Variants in GRB14 observed in about 807,000 individuals in gnomAD.
The protein encoded by GRB14 is growth factor receptor-bound protein 14.
In GRB14, 38 loss-of-function variants were observed where a neutral mutation model predicts 69.1. The ratio of observed to expected loss-of-function variants is 0.55; its 90% CI spans 0.42 to 0.72. GRB14 has a LOEUF of 0.72. GRB14 is among the 30% of genes least tolerant of loss of function. The probability of loss-of-function intolerance (pLI) is 0.00; values close to 1 mark genes in which losing one functional copy is unlikely to be tolerated. For missense variants in GRB14, 666 were observed against 666.1 expected, an observed-to-expected ratio of 1.00 and a Z score of 0.00; for synonymous variants, 247 against 241.3, an observed-to-expected ratio of 1.02 and a Z score of -0.22.
intron 2 of GRB14, among the ~76,000 whole-genome samples, chr2:164,558,001 A>G (rs1193893542): frequency 5.9e-5 from 9 of 152,166 alleles, no homozygotes; most frequent in Non-Finnish European, 4.4e-5. Flanking sequence ...AACTTGGCAC[A>G]GAAGGGAAGT....
At chr2:164,604,882 A>G (rs1051483438) in intron 2 of GRB14, among the ~76,000 whole-genome samples, 1 of 152,180 alleles carries the variant, frequency 6.6e-6, no homozygotes, top group Non-Finnish European at 1.5e-5. Context: ...GAGAATGTCT[A>G]TTCAATGGGT....
intron 6 of GRB14, among the ~76,000 whole-genome samples, chr2:164,513,414 C>T (rs1224944169): frequency 6.6e-6 from 1 of 152,032 alleles, no homozygotes; most frequent in Non-Finnish European, 1.5e-5. Flanking sequence ...ATGAGATTAT[C>T]TAGGTGGGCC....
At chr2:164,569,706 A>G (rs917724284) in intron 2 of GRB14, among the ~76,000 whole-genome samples, 3 of 152,194 alleles carry the variant, frequency 2.0e-5, no homozygotes, top group Non-Finnish European at 4.4e-5. Context: ...TACAACTCCA[A>G]GGATCCCTGC....
intron 3 of GRB14, among the ~76,000 whole-genome samples, chr2:164,531,398 T>C (rs557336854): frequency 1.3e-5 from 2 of 152,350 alleles, no homozygotes; most frequent in South Asian, 4.1e-4. Context: ...GATGCTTGTT[T>C]GTTTGTTTGC....
intron 2 of GRB14, among the ~76,000 whole-genome samples, chr2:164,558,059 TGCC>T (rs1426410156): frequency 2.6e-5 from 4 of 152,132 alleles, no homozygotes; most frequent in Non-Finnish European, 4.4e-5. Flanking sequence ...TGCAGCAGCA[TGCC>T]GCATCTAGGG....
intron 2 of GRB14, among the ~76,000 whole-genome samples, chr2:164,588,278 G>A (rs1202066667): frequency 6.6e-6 from 1 of 152,158 alleles, no homozygotes; most frequent in African/African-American, 2.4e-5. Context: ...GGAAAGAAAT[G>A]CAGAAATGTT....
chr2:164,577,781 A>C (rs1423107653), intron 2 of GRB14, among the ~76,000 whole-genome samples: 2 of 152,220 alleles, frequency 1.3e-5, no homozygotes, highest in African/African-American at 4.8e-5. Flanking sequence ...AAAATCAATA[A>C]AGAATAAGAC....
chr2:164,616,890 G>A (rs529356655), intron 2 of GRB14, among the ~76,000 whole-genome samples: 7 of 152,248 alleles, frequency 4.6e-5, no homozygotes, highest in South Asian at 4.1e-4. Context: ...AGAACATATC[G>A]CATAGTCACT....
intron 3 of GRB14, among the ~76,000 whole-genome samples, chr2:164,544,964 C>A (rs1688334999): frequency 6.6e-6 from 1 of 152,200 alleles, no homozygotes; most frequent in Admixed American, 6.5e-5. Flanking sequence ...CTGCCAAAAT[C>A]ATTTTTAATT....
At chr2:164,571,737 A>G (rs1689127677) in intron 2 of GRB14, among the ~76,000 whole-genome samples, 1 of 152,186 alleles carries the variant, frequency 6.6e-6, no homozygotes, top group Non-Finnish European at 1.5e-5. Context: ...GCAGGCAGCT[A>G]AGAAATGGTC....
rs115034641 is a variant in GRB14, at chr2:164,587,404, G to T, written c.324+32283C>A. On this transcript the variant is annotated intron_variant, in intron 2 of 13. Transcript: ENST00000263915. ...TTCATTATCTAAGGTGAATTACTTT[G>T]TTCAAGATAGTTCCTCTGCCTAAGG... 4.6e-3 allele frequency among the ~76,000 whole-genome samples: 707 copies of T among 152,244 alleles called. 4 individuals are homozygous for T. Among genetic ancestry groups the T allele is most frequent in the African/African-American group, 0.016 (669 of 41,532 alleles).
intron 1 of GRB14, 32 bp from the exon 2 acceptor site, chr2:164,619,851 A>T (rs750332324): frequency 1.9e-6 from 3 of 1,557,926 alleles, no homozygotes; most frequent in Non-Finnish European, 2.6e-6. Context: ...TGTAATTTAC[A>T]TAAAACAGAA....
chr2:164,525,351 A>G (rs1467668129), intron 4 of GRB14, among the ~76,000 whole-genome samples: 1 of 152,038 alleles, frequency 6.6e-6, no homozygotes, highest in Non-Finnish European at 1.5e-5. Context: ...CCTGAAGTTG[A>G]CAATGTGCTT....
At chr2:164,503,226 T>C (rs1169731468) in intron 8 of GRB14, among the ~76,000 whole-genome samples, 2 of 151,170 alleles carry the variant, frequency 1.3e-5, no homozygotes, top group East Asian at 1.9e-4. Context: ...CAGCCTTTTT[T>C]CCCCTAGATT....
intron 6 of GRB14, among the ~76,000 whole-genome samples, chr2:164,512,228 G>A (rs1181435554): frequency 2.6e-5 from 4 of 152,236 alleles, no homozygotes; most frequent in Middle Eastern, 3.4e-3. Context: ...GGGCAATGGC[G>A]TGATCTCGGC....
At chr2:164,585,067 TCATACCACCATGCCTGGC>T (rs1323754012) in intron 2 of GRB14, among the ~76,000 whole-genome samples, 26 of 140,584 alleles carry the variant, frequency 1.8e-4, no homozygotes, top group Middle Eastern at 3.6e-3. Flanking sequence ...CTCAGCCCCT[TCATACCACCATGCCTGGC>T]TTTTTTTTTT....
intron 3 of GRB14, among the ~76,000 whole-genome samples, chr2:164,532,623 G>T (rs572060536): frequency 6.6e-6 from 1 of 152,266 alleles, no homozygotes; most frequent in Admixed American, 6.5e-5. Flanking sequence ...GGAAGCAGAG[G>T]TTCAAGTGAA....
intron 2 of GRB14, among the ~76,000 whole-genome samples, chr2:164,553,124 T>G (rs1688586965): frequency 6.6e-6 from 1 of 152,152 alleles, no homozygotes; most frequent in Admixed American, 6.5e-5. Context: ...TGCCTCTTAT[T>G]TTGCATGTTC....
intron 2 of GRB14, among the ~76,000 whole-genome samples, chr2:164,593,479 A>C (rs1044692424): frequency 1.3e-5 from 2 of 152,234 alleles, no homozygotes; most frequent in Non-Finnish European, 2.9e-5. Flanking sequence ...TTCTATATTC[A>C]GCAAAAGTAT....
Sources: allele counts gnomAD v4.1 joint callset (sites outside exome capture counted in the v4.1 genomes callset), GRCh38; gene constraint gnomAD v4.1.1; transcripts MANE v1.5; gene names NCBI Gene and HGNC (gene_info 2026-07-23, HGNC 2026-07-21).